Variants in SLC25A21 observed in about 807,000 individuals in gnomAD.
The protein encoded by SLC25A21 is mitochondrial 2-oxodicarboxylate carrier.
A neutral mutation model predicts 43.8 loss-of-function variants in SLC25A21; 47 were observed. That is an observed-to-expected ratio of 1.07 (90% CI 0.85 to 1.37). The LOEUF (loss-of-function observed/expected upper bound fraction) is 1.37. Among genes scored for constraint, SLC25A21 ranks in the 40% most tolerant of loss-of-function variants. The probability of loss-of-function intolerance (pLI) is 0.00; values close to 1 mark genes in which losing one functional copy is unlikely to be tolerated. For synonymous variants in SLC25A21, 131 were observed against 121.3 expected, an observed-to-expected ratio of 1.08 and a Z score of -0.52; for missense variants, 352 against 350.2, an observed-to-expected ratio of 1.00 and a Z score of -0.04.
At chr14:37,160,967 A>C (rs1204781427) in intron 1 of SLC25A21, among the ~76,000 whole-genome samples, 4 of 105,132 alleles carry the variant, frequency 3.8e-5, no homozygotes, top group Non-Finnish European at 5.6e-5. Flanking sequence ...GAGGAGGAGG[A>C]GAAAGAGGAA....
intron 7 of SLC25A21, among the ~76,000 whole-genome samples, chr14:36,707,667 T>C (rs111389266): frequency 6.6e-5 from 10 of 152,314 alleles, no homozygotes; most frequent in African/African-American, 2.2e-4. Context: ...AGCTTGGAAA[T>C]GAAATTCTGA....
At chr14:37,104,373 A>G (rs1962874257) in intron 1 of SLC25A21, among the ~76,000 whole-genome samples, 1 of 152,166 alleles carries the variant, frequency 6.6e-6, no homozygotes, top group Non-Finnish European at 1.5e-5. Flanking sequence ...TGAGCAAGAA[A>G]TATTTGTGGT....
intron 7 of SLC25A21, among the ~76,000 whole-genome samples, chr14:36,686,136 G>GA (rs1384530377): frequency 3.3e-5 from 5 of 152,178 alleles, no homozygotes; most frequent in African/African-American, 1.2e-4. Context: ...TGAGGGCTCT[G>GA]AAATTTTCAA....
At chr14:36,872,638 G>C (rs576663137) in intron 2 of SLC25A21, among the ~76,000 whole-genome samples, 10 of 152,256 alleles carry the variant, frequency 6.6e-5, no homozygotes, top group African/African-American at 2.4e-4. Flanking sequence ...CATTATGCAG[G>C]TCAAATACCA....
intron 1 of SLC25A21, among the ~76,000 whole-genome samples, chr14:37,134,431 T>C (rs2138910421): frequency 6.6e-6 from 1 of 152,204 alleles, no homozygotes; most frequent in East Asian, 1.9e-4. Context: ...TGACACTCAG[T>C]ACTTTTTCCA....
chr14:37,085,743 T>C (rs1962471542), intron 1 of SLC25A21, among the ~76,000 whole-genome samples: 1 of 152,226 alleles, frequency 6.6e-6, no homozygotes, highest in African/African-American at 2.4e-5. Flanking sequence ...AGTCTAGTGA[T>C]AAAAACCAGC....
At chr14:36,776,428 CGGG>C (rs1364336400) in intron 3 of SLC25A21, among the ~76,000 whole-genome samples, 1 of 151,406 alleles carries the variant, frequency 6.6e-6, no homozygotes, top group Admixed American at 6.6e-5. Context: ...TTAGTAGAAA[CGGG>C]GTTTCACCGG....
chr14:36,804,991 C>T (rs1887988705), intron 3 of SLC25A21, among the ~76,000 whole-genome samples: 1 of 152,122 alleles, frequency 6.6e-6, no homozygotes, highest in African/African-American at 2.4e-5. Flanking sequence ...AGTGGGATAT[C>T]CCCCATTGGC....
At chr14:36,734,849 T>C (rs1266010122) in intron 3 of SLC25A21, among the ~76,000 whole-genome samples, 1 of 152,202 alleles carries the variant, frequency 6.6e-6, no homozygotes, top group African/African-American at 2.4e-5. Context: ...CTGTCCTTAC[T>C]CTAAGGGCTC....
chr14:36,899,854 T>G (rs972466316), intron 1 of SLC25A21, among the ~76,000 whole-genome samples: 2 of 152,200 alleles, frequency 1.3e-5, no homozygotes, highest in African/African-American at 4.8e-5. Context: ...TTTTCTGGGG[T>G]GAACACATAT....
At chr14:37,120,217 T>C (rs1195113505) in intron 1 of SLC25A21, among the ~76,000 whole-genome samples, 2 of 152,176 alleles carry the variant, frequency 1.3e-5, no homozygotes, top group East Asian at 1.9e-4. Context: ...CCAATCTTTA[T>C]ACAAAAGTCA....
chr14:36,729,670 C>CA, intron 4 of SLC25A21, 104 bp from the exon 5 acceptor site: 1 of 935,494 alleles, frequency 1.1e-6, no homozygotes, highest in Non-Finnish European at 1.6e-6. Flanking sequence ...ACCAGCATTT[C>CA]AAAAAATGAT....
intron 2 of SLC25A21, among the ~76,000 whole-genome samples, chr14:36,852,909 T>C (rs959252926): frequency 6.6e-6 from 1 of 152,170 alleles, no homozygotes; most frequent in African/African-American, 2.4e-5. Flanking sequence ...ATAAATATCA[T>C]AAATGTGAAA....
intron 1 of SLC25A21, among the ~76,000 whole-genome samples, chr14:37,081,123 T>C (rs1296488417): frequency 2.6e-5 from 4 of 152,178 alleles, no homozygotes; most frequent in Non-Finnish European, 5.9e-5. Context: ...AAGACCCTGA[T>C]CATGATCCCT....
chr14:36,737,271 G>C (rs17105172), intron 3 of SLC25A21, among the ~76,000 whole-genome samples: 17,798 of 152,164 alleles, frequency 0.12, 1,253 homozygotes, highest in South Asian at 0.28. Context: ...AAAAGTGATG[G>C]GGTAAAATAT....
intron 1 of SLC25A21, among the ~76,000 whole-genome samples, chr14:36,922,003 G>A (rs1384334861): frequency 6.6e-6 from 1 of 151,942 alleles, no homozygotes; most frequent in Non-Finnish European, 1.5e-5. Flanking sequence ...AAATTAGCCA[G>A]GCATGGTGGC....
At chr14:36,843,362 C>T (rs968295565) in intron 2 of SLC25A21, among the ~76,000 whole-genome samples, 9 of 152,174 alleles carry the variant, frequency 5.9e-5, no homozygotes, top group Admixed American at 5.2e-4. Context: ...ACATGCATGA[C>T]AGCTGACAAT....
intron 1 of SLC25A21, among the ~76,000 whole-genome samples, chr14:37,017,076 G>A (rs80324945): frequency 0.18 from 26,643 of 151,932 alleles, 2,565 homozygotes; most frequent in Middle Eastern, 0.22. Flanking sequence ...CACTGGAATA[G>A]TACTTTTCAT....
At chr14:36,740,549 G>T (rs1885210393) in intron 3 of SLC25A21, among the ~76,000 whole-genome samples, 1 of 152,088 alleles carries the variant, frequency 6.6e-6, no homozygotes, top group Non-Finnish European at 1.5e-5. Flanking sequence ...TCTTCTCAAA[G>T]ACAGCTCACA....
Sources: gnomAD v4.1 joint callset for allele counts (sites outside exome capture counted in the v4.1 genomes callset) on GRCh38, gnomAD v4.1.1 for gene constraint, MANE v1.5 for transcripts, NCBI Gene and HGNC (gene_info 2026-07-23, HGNC 2026-07-21) for gene names.